Variants in NLRP14 observed in about 807,000 individuals in gnomAD.
The protein encoded by NLRP14 is NACHT, LRR and PYD domains-containing protein 14.
NLRP14 carries 105 observed loss-of-function variants against 94.7 expected under a neutral mutation model. The observed-to-expected ratio is 1.11, with a 90% CI of 0.95 to 1.30. NLRP14 has a LOEUF of 1.30. NLRP14 is among the 50% of genes most tolerant of loss of function. The pLI, the probability that NLRP14 is intolerant of heterozygous loss-of-function variation, is 0.00. For missense variants in NLRP14, 1,362 were observed against 1,254.1 expected (o/e 1.09, Z -1.30); for synonymous variants, 508 against 459.9 (o/e 1.10, Z -1.34).
the NLRP14 span, chr11:7,090,302 A>G: frequency 2.5e-6 from 4 of 1,590,384 alleles, no homozygotes; most frequent in Non-Finnish European, 3.4e-6. Flanking sequence ...GATACTAAGC[A>G]GGAACAGACT....
intron 5 of NLRP14, among the ~76,000 whole-genome samples, chr11:7,047,912 A>C (rs1396357900): frequency 6.6e-6 from 1 of 151,352 alleles, no homozygotes; most frequent in Non-Finnish European, 1.5e-5. Flanking sequence ...GGCACGCAGC[A>C]CCACACCTGG....
chr11:7,049,966 A>G (rs952157252), intron 6 of NLRP14, 128 bp downstream of exon 6: 3 of 800,124 alleles, frequency 3.7e-6, no homozygotes, highest in Non-Finnish European at 6.5e-6. Context: ...GATATGGGGT[A>G]GCAAGCATCT....
the NLRP14 span, among the ~76,000 whole-genome samples, chr11:7,083,717 C>A: frequency 6.6e-6 from 1 of 152,214 alleles, no homozygotes; most frequent in African/African-American, 2.4e-5. Flanking sequence ...CCCCCAGTGT[C>A]CACTCATTTC....
At chr11:7,075,983 A>T (rs377471636), downstream of NLRP14, among the ~76,000 whole-genome samples, 2 of 152,338 alleles carry the variant, frequency 1.3e-5, no homozygotes, top group East Asian at 3.9e-4. Context: ...ATAAACTTTT[A>T]TCTGCTCCTA....
chr11:7,052,493 C>A (rs2119657994), intron 6 of NLRP14, among the ~76,000 whole-genome samples: 1 of 152,196 alleles, frequency 6.6e-6, no homozygotes, highest in Non-Finnish European at 1.5e-5. Context: ...ACTAACTGGG[C>A]ATGGTGATGC....
chr11:7,089,250 G>C, the NLRP14 span: 1 of 1,612,336 alleles, frequency 6.2e-7, no homozygotes. Flanking sequence ...GAAAGACCGA[G>C]AAACCAACAA....
At chr11:7,064,543 A>G (rs1169477693) in intron 10 of NLRP14, among the ~76,000 whole-genome samples, 5 of 152,048 alleles carry the variant, frequency 3.3e-5, no homozygotes, top group East Asian at 1.9e-4. Context: ...CCCTACACCA[A>G]TGAAATCAGT....
chr11:7,066,356 C>T (rs1301218301), intron 10 of NLRP14, among the ~76,000 whole-genome samples: 1 of 152,238 alleles, frequency 6.6e-6, no homozygotes, highest in Non-Finnish European at 1.5e-5. Flanking sequence ...TTCTCCACAT[C>T]CTCTCCAGCA....
At chr11:7,090,006 C>T in the NLRP14 span, 13 of 1,613,026 alleles carry the variant, frequency 8.1e-6, no homozygotes, top group East Asian at 4.5e-5. Flanking sequence ...CGCCCCAGGA[C>T]GGGGGACACC....
intron 4 of NLRP14, among the ~76,000 whole-genome samples, chr11:7,045,017 A>T (rs1852327889): frequency 6.6e-6 from 1 of 152,200 alleles, no homozygotes. Flanking sequence ...TGATACCAAG[A>T]AGGCATATAA....
At chr11:7,078,651 G>T in the NLRP14 span, among the ~76,000 whole-genome samples, 1 of 151,822 alleles carries the variant, frequency 6.6e-6, no homozygotes, top group South Asian at 2.1e-4. Context: ...AGCCGGGCAT[G>T]GTGGTGGGTG....
intron 1 of NLRP14, among the ~76,000 whole-genome samples, chr11:7,024,016 A>G (rs1851981420): frequency 1.3e-5 from 2 of 152,186 alleles, no homozygotes; most frequent in East Asian, 3.8e-4. Context: ...ACAAATATCC[A>G]AACTATATCA....
At chr11:7,066,058 A>G (rs1482476327) in intron 10 of NLRP14, among the ~76,000 whole-genome samples, 3 of 152,292 alleles carry the variant, frequency 2.0e-5, no homozygotes, top group East Asian at 3.9e-4. Flanking sequence ...TTATGGCTGC[A>G]TAGTATTCCA....
At chr11:7,041,500 G>A (rs1041370110) in intron 3 of NLRP14, among the ~76,000 whole-genome samples, 2 of 151,822 alleles carry the variant, frequency 1.3e-5, no homozygotes, top group African/African-American at 4.8e-5. Context: ...TTATTTGGGG[G>A]GATATTAGTA....
At chr11:7,059,828 C>A in intron 8 of NLRP14, 66 bp from the exon 9 acceptor site, 1 of 1,376,030 alleles carries the variant, frequency 7.3e-7, no homozygotes, top group Non-Finnish European at 1.0e-6. Context: ...GAAATCTCTT[C>A]AGAGAAAGAA....
At chr11:7,050,737 A>T (rs776543455) in intron 6 of NLRP14, among the ~76,000 whole-genome samples, 2 of 152,210 alleles carry the variant, frequency 1.3e-5, no homozygotes, top group Non-Finnish European at 2.9e-5. Flanking sequence ...GAATTCACTT[A>T]CAGCATATCT....
chr11:7,090,142 A>T, the NLRP14 span: 3 of 1,613,412 alleles, frequency 1.9e-6, no homozygotes, highest in Non-Finnish European at 2.5e-6. Flanking sequence ...AGGGGCCGAC[A>T]CCGGGTGGGC....
intron 1 of NLRP14, among the ~76,000 whole-genome samples, chr11:7,023,005 T>C (rs140890416): frequency 4.7e-4 from 72 of 152,294 alleles, no homozygotes; most frequent in African/African-American, 1.6e-3. Context: ...GATGACTAAA[T>C]TATTGAGCCA....
intron 6 of NLRP14, among the ~76,000 whole-genome samples, chr11:7,051,179 A>G (rs1181784718): frequency 6.6e-6 from 1 of 152,186 alleles, no homozygotes; most frequent in Non-Finnish European, 1.5e-5. Context: ...CAGTAAATAC[A>G]ATGCTTTGGC....
Sources: gnomAD v4.1 joint callset for allele counts (sites outside exome capture counted in the v4.1 genomes callset) on GRCh38, gnomAD v4.1.1 for gene constraint, MANE v1.5 for transcripts, NCBI Gene and HGNC (gene_info 2026-07-23, HGNC 2026-07-21) for gene names.